MPDZ: variants seen among roughly 807,000 people sequenced by gnomAD.
The protein encoded by MPDZ is multiple PDZ domain protein.
In MPDZ, 234 loss-of-function variants were observed where a neutral mutation model predicts 239.1. The observed-to-expected ratio is 0.98, with a 90% CI of 0.88 to 1.09. MPDZ has a LOEUF of 1.09. Among genes scored for constraint, MPDZ ranks in the 50% least tolerant of loss-of-function variants. The probability of loss-of-function intolerance (pLI) is 0.00; values close to 1 mark genes in which losing one functional copy is unlikely to be tolerated. For missense variants in MPDZ, 3,175 were observed against 2,510.0 expected, an observed-to-expected ratio of 1.26 and a Z score of -5.66; for synonymous variants, 1,048 against 881.3, an observed-to-expected ratio of 1.19 and a Z score of -3.35.
intron 3 of MPDZ, among the ~76,000 whole-genome samples, chr9:13,227,351 A>C (rs945326706): frequency 6.6e-6 from 1 of 152,082 alleles, no homozygotes; most frequent in Non-Finnish European, 1.5e-5. Flanking sequence ...ATTTTTTCAA[A>C]AGTAAGCTTC....
chr9:13,183,442 A>G lies in MPDZ; in HGVS notation c.2625T>C (p.Ser875=). The change falls in exon 19 of 47, where the codon TCT becomes TCC. Residue 875 remains serine, a synonymous_variant. Transcript: ENST00000319217. ...SSCGDGLNYG[S]SLPSSPPKDV... ...CCTTAGGAGGAGATGATGGAAGGGA[A>G]GAACCATAGTTCAGGCCATCACCAC... is the stretch of plus-strand genomic sequence containing the variant. 1 of 1,609,274 alleles carries G rather than the reference A, an allele frequency of 6.2e-7. No individual in the cohort carries two copies. The highest frequency in any genetic ancestry group is 1.3e-5 in the African/African-American group (1 of 74,764).
At chr9:13,227,218 C>T (rs577674865) in intron 3 of MPDZ, among the ~76,000 whole-genome samples, 33 of 152,204 alleles carry the variant, frequency 2.2e-4, no homozygotes, top group Admixed American at 3.9e-4. Flanking sequence ...TTACCAATAA[C>T]TTAACCATTA....
At chr9:13,176,487 A>T (rs764759010) in intron 19 of MPDZ, 70 bp from the exon 20 acceptor site, 73 of 1,189,158 alleles carry the variant, frequency 6.1e-5, no homozygotes, top group Non-Finnish European at 7.8e-5. Context: ...ATATAACATC[A>T]CTTCTTAATG....
At chr9:13,190,872 T>G (rs112950201) in intron 15 of MPDZ, among the ~76,000 whole-genome samples, 11 of 152,240 alleles carry the variant, frequency 7.2e-5, no homozygotes, top group Admixed American at 2.0e-4. Context: ...TTGAGCAATA[T>G]TCATCAACTG....
chr9:13,144,295 G>C (rs958830800), intron 26 of MPDZ, among the ~76,000 whole-genome samples: 1 of 151,930 alleles, frequency 6.6e-6, no homozygotes, highest in Non-Finnish European at 1.5e-5. Context: ...TCCTGCCTTA[G>C]AGTGTTTCTC....
chr9:13,190,987 G>A (rs1433215926), intron 15 of MPDZ, among the ~76,000 whole-genome samples: 1 of 152,070 alleles, frequency 6.6e-6, no homozygotes, highest in African/African-American at 2.4e-5. Context: ...GTTAATATAG[G>A]TTAATTCAAC....
At chr9:13,247,159 T>G (rs767704295) in intron 3 of MPDZ, among the ~76,000 whole-genome samples, 1 of 152,218 alleles carries the variant, frequency 6.6e-6, no homozygotes, top group Non-Finnish European at 1.5e-5. Context: ...TTCCTCTAAC[T>G]GATGACAATG....
rs535598404 is a variant in MPDZ, at chr9:13,136,154, C to G, written c.4321G>C (p.Val1441Leu). The stretch of plus-strand genomic sequence containing the variant: ...GGTTCTACTGCATTTCCAGGACATA[C>G]GGCCATCTGATTCACTGCATCTTTA... ...RNKDAVNQMA[V>L]CPGNAVEPLP... Residue 1441 changes from valine to leucine, a missense_variant, in exon 31 of 47, where the codon GTA (valine) becomes CTA (leucine). Coordinates refer to ENST00000319217, the MANE Select transcript of MPDZ (RefSeq NM_001378778.1). 4.3e-6 allele frequency: 7 copies of G among 1,612,244 alleles called. No homozygotes were observed. The African/African-American group carries it at 5.3e-5, about 12-fold the overall frequency.
chr9:13,206,188 T>C (rs1339970491), intron 10 of MPDZ, 89 bp from the exon 11 acceptor site: 1 of 1,229,786 alleles, frequency 8.1e-7, no homozygotes, highest in Non-Finnish European at 1.1e-6. Context: ...GTATAGTTGT[T>C]AGTGTGAAAA....
At chr9:13,131,781 C>T (rs1946034459) in intron 32 of MPDZ, among the ~76,000 whole-genome samples, 1 of 152,154 alleles carries the variant, frequency 6.6e-6, no homozygotes, top group Non-Finnish European at 1.5e-5. Context: ...TTAAGTATTT[C>T]TTTCTGATAA....
intron 35 of MPDZ, among the ~76,000 whole-genome samples, chr9:13,123,873 T>C (rs560455337): frequency 6.6e-6 from 1 of 152,208 alleles, no homozygotes; most frequent in African/African-American, 2.4e-5. Context: ...CCATTTGCAG[T>C]TTTCTCCTTG....
Position 13,223,597 on chromosome 9 carries a change from C to T in MPDZ, c.507G>A (p.Glu169=). The part of the protein sequence containing the change: ...NRGELGIFVQ[E]IQEGSVAHRD... ...TATGGGCCACACTGCCCTCTTGTAT[C>T]TCTTGAACAAATATTCCCAGCTCTC... Residue 169 remains glutamate, a synonymous_variant, in exon 5 of 47, where the codon GAG becomes GAA. Transcript: ENST00000319217. 6.2e-7 allele frequency: 1 copy of T among 1,612,302 alleles called. No individual in the cohort carries two copies. Among genetic ancestry groups the T allele is most frequent in the East Asian group, 2.2e-5 (1 of 44,800 alleles).
intron 21 of MPDZ, among the ~76,000 whole-genome samples, chr9:13,172,921 T>C (rs1457537452): frequency 2.0e-5 from 3 of 152,136 alleles, no homozygotes; most frequent in Non-Finnish European, 1.5e-5. Flanking sequence ...ATAAACAAAG[T>C]ATAGTGTATA....
chr9:13,177,394 G>T, intron 19 of MPDZ, among the ~76,000 whole-genome samples: 1 of 152,050 alleles, frequency 6.6e-6, no homozygotes, highest in African/African-American at 2.4e-5. Context: ...CAGTAAAAAT[G>T]GCTAGCATCA....
chr9:13,254,284 C>T (rs1240874157), intron 1 of MPDZ, among the ~76,000 whole-genome samples: 1 of 152,104 alleles, frequency 6.6e-6, no homozygotes, highest in African/African-American at 2.4e-5. Context: ...CAGGAATATT[C>T]GCCATTTATG....
At chr9:13,269,197 T>A (rs1972448561) in intron 1 of MPDZ, among the ~76,000 whole-genome samples, 1 of 152,114 alleles carries the variant, frequency 6.6e-6, no homozygotes, top group African/African-American at 2.4e-5. Context: ...GTGATTTTAA[T>A]CTGGGAAACT....
At chr9:13,274,144 G>C (rs117782761) in intron 1 of MPDZ, among the ~76,000 whole-genome samples, 1 of 151,900 alleles carries the variant, frequency 6.6e-6, no homozygotes, top group Admixed American at 6.6e-5. Flanking sequence ...CTTTTCACTT[G>C]TATCTTCCAT....
chr9:13,162,520 T>C (rs1950602899), intron 23 of MPDZ, among the ~76,000 whole-genome samples, 171 bp downstream of exon 23: 1 of 152,008 alleles, frequency 6.6e-6, no homozygotes, highest in South Asian at 2.1e-4. Flanking sequence ...TTTTCCATAC[T>C]ATATAATAAT....
chr9:13,153,165 GGAAT>G (rs1458393619), intron 24 of MPDZ, among the ~76,000 whole-genome samples: 1 of 152,042 alleles, frequency 6.6e-6, no homozygotes, highest in Non-Finnish European at 1.5e-5. Context: ...GAAGAGGCTG[GGAAT>G]GAAAGAGCAC....
Sources: gnomAD v4.1 joint callset for allele counts (sites outside exome capture counted in the v4.1 genomes callset) on GRCh38, gnomAD v4.1.1 for gene constraint, MANE v1.5 for transcripts, NCBI Gene and HGNC (gene_info 2026-07-23, HGNC 2026-07-21) for gene names.